Variants in CCSER1 observed in about 807,000 individuals in gnomAD.
The protein encoded by CCSER1 is coiled-coil serine rich protein 1, also known as serine-rich coiled-coil domain-containing protein 1.
CCSER1 carries 41 observed loss-of-function variants against 82.0 expected under a neutral mutation model. That is an observed-to-expected ratio of 0.50 (90% CI 0.39 to 0.65). The LOEUF (loss-of-function observed/expected upper bound fraction) is 0.65. Ranked by LOEUF, CCSER1 falls within the 30% of genes least tolerant of loss-of-function variation. The pLI is 0.00. For synonymous variants in CCSER1, 414 were observed against 383.9 expected (o/e 1.08, Z -0.92); for missense variants, 1,119 against 1,064.2 (o/e 1.05, Z -0.72).
At chr4:91,361,966 T>G in intron 10 of CCSER1, among the ~76,000 whole-genome samples, 1 of 151,676 alleles carries the variant, frequency 6.6e-6, no homozygotes, top group South Asian at 2.1e-4. Flanking sequence ...CAATCTTGGT[T>G]ACAAAAAACC....
intron 8 of CCSER1, among the ~76,000 whole-genome samples, chr4:90,818,376 C>T (rs1377365485): frequency 6.6e-6 from 1 of 150,976 alleles, no homozygotes; most frequent in African/African-American, 2.4e-5. Context: ...CTCCTGGGTT[C>T]AAGCGATTCT....
At chr4:91,321,226 A>C (rs1746173491) in intron 10 of CCSER1, among the ~76,000 whole-genome samples, 1 of 152,086 alleles carries the variant, frequency 6.6e-6, no homozygotes, top group Admixed American at 6.6e-5. Context: ...GATAATAACA[A>C]CTTAACACTT....
intron 5 of CCSER1, among the ~76,000 whole-genome samples, chr4:90,503,105 T>A (rs1378489136): frequency 6.6e-6 from 1 of 152,104 alleles, no homozygotes; most frequent in Non-Finnish European, 1.5e-5. Context: ...CAGAAAAAAC[T>A]GAGTCCCTAA....
chr4:91,168,013 C>G (rs1732300388), intron 10 of CCSER1, among the ~76,000 whole-genome samples: 1 of 149,604 alleles, frequency 6.7e-6, no homozygotes, highest in Non-Finnish European at 1.5e-5. Flanking sequence ...TGGGGAGCGC[C>G]TCTGCCCGGC....
chr4:90,992,888 A>G (rs150520966), intron 9 of CCSER1, among the ~76,000 whole-genome samples: 22 of 151,996 alleles, frequency 1.4e-4, no homozygotes, highest in Admixed American at 5.9e-4. Flanking sequence ...CATATACCCA[A>G]ATCATATCCA....
At chr4:90,421,883 T>C (rs1756749342) in intron 4 of CCSER1, among the ~76,000 whole-genome samples, 1 of 152,058 alleles carries the variant, frequency 6.6e-6, no homozygotes, top group Non-Finnish European at 1.5e-5. Context: ...TTGGAATTGT[T>C]AGGGTACACC....
intron 10 of CCSER1, among the ~76,000 whole-genome samples, chr4:91,130,706 T>C (rs1561571929): frequency 6.6e-6 from 1 of 151,728 alleles, no homozygotes; most frequent in African/African-American, 2.4e-5. Context: ...AAGTATCTGA[T>C]TTTTTTTAAA....
chr4:91,405,445 G>A lies in CCSER1; in HGVS notation c.2218-193127G>A, dbSNP rs577689720. ...TACCAAAAGCAACAGTAACAAAAGCGAAAATAGACAAATGGGATCTAATTA... is the reference window on the plus strand; with the variant it reads ...TACCAAAAGCAACAGTAACAAAAGCAAAAATAGACAAATGGGATCTAATTA... On this transcript the variant is annotated intron_variant, in intron 10 of 10. Transcript: ENST00000509176. Among the ~76,000 whole-genome samples the A allele has an allele frequency of 2.7e-4, 41 of 152,214 alleles. No individual in the cohort carries two copies. In the East Asian group the frequency reaches 5.2e-3, roughly 19 times the overall value.
intron 6 of CCSER1, among the ~76,000 whole-genome samples, chr4:90,668,199 G>T (rs1487960412): frequency 2.6e-5 from 4 of 152,068 alleles, no homozygotes; most frequent in Non-Finnish European, 5.9e-5. Context: ...AAACAGAGGA[G>T]GTCAAATGAT....
chr4:90,710,631 G>A (rs1740409992), intron 6 of CCSER1, among the ~76,000 whole-genome samples: 1 of 152,108 alleles, frequency 6.6e-6, no homozygotes, highest in African/African-American at 2.4e-5. Context: ...TTGAAGATCA[G>A]ATAGTTGTAC....
chr4:90,142,591 A>G (rs1485846095), intron 1 of CCSER1, among the ~76,000 whole-genome samples: 1 of 151,900 alleles, frequency 6.6e-6, no homozygotes, highest in African/African-American at 2.4e-5. Context: ...CAAATGCACA[A>G]TACAGCAGAG....
chr4:91,489,072 G>A (rs908800263), intron 10 of CCSER1, among the ~76,000 whole-genome samples: 1 of 152,196 alleles, frequency 6.6e-6, no homozygotes, highest in Admixed American at 6.5e-5. Flanking sequence ...AAAAGTGATT[G>A]AGTAAGCCTT....
intron 10 of CCSER1, among the ~76,000 whole-genome samples, chr4:91,245,481 G>C (rs952633691): frequency 1.3e-5 from 2 of 152,062 alleles, no homozygotes; most frequent in African/African-American, 4.8e-5. Flanking sequence ...GGCCAGGAGA[G>C]AGTGATATGA....
At chr4:90,153,050 C>A (rs1578208962) in intron 1 of CCSER1, among the ~76,000 whole-genome samples, 1 of 127,656 alleles carries the variant, frequency 7.8e-6, no homozygotes, top group Non-Finnish European at 1.7e-5. Flanking sequence ...CCCACCCCAC[C>A]ACAGTCCCCA....
At chr4:91,423,045 C>G (rs1010189331) in intron 10 of CCSER1, among the ~76,000 whole-genome samples, 13 of 152,062 alleles carry the variant, frequency 8.5e-5, no homozygotes, top group African/African-American at 3.1e-4. Context: ...GAAAACCTGA[C>G]AGTTTTATAT....
chr4:91,307,286 T>A (rs1183449168), intron 10 of CCSER1, among the ~76,000 whole-genome samples: 3 of 151,934 alleles, frequency 2.0e-5, no homozygotes. Context: ...TCTGAACAGA[T>A]CTAATATATA....
chr4:91,283,447 G>A (rs1026239958), intron 10 of CCSER1, among the ~76,000 whole-genome samples: 21 of 152,034 alleles, frequency 1.4e-4, no homozygotes, highest in Admixed American at 6.6e-4. Context: ...TTGAGAAAAT[G>A]TTTGCATCAG....
intron 9 of CCSER1, among the ~76,000 whole-genome samples, chr4:90,933,132 A>AGAGTGTGT (rs1491482106): frequency 1.4e-5 from 1 of 70,170 alleles, no homozygotes; most frequent in Non-Finnish European, 2.5e-5. Flanking sequence ...GTTACCTAGA[A>AGAGTGTGT]GTGTGTGTGT....
intron 10 of CCSER1, among the ~76,000 whole-genome samples, chr4:91,168,098 A>T (rs1278156079): frequency 7.8e-6 from 1 of 127,916 alleles, no homozygotes; most frequent in African/African-American, 3.1e-5. Context: ...GCCTCTGCCC[A>T]GCCCCCCCGT....
Sources: allele counts gnomAD v4.1 joint callset (sites outside exome capture counted in the v4.1 genomes callset), GRCh38; gene constraint gnomAD v4.1.1; transcripts MANE v1.5; gene names NCBI Gene and HGNC (gene_info 2026-07-23, HGNC 2026-07-21).